ARFGEF1: variants seen among roughly 807,000 people sequenced by gnomAD.
ARFGEF1 encodes brefeldin A-inhibited guanine nucleotide-exchange protein 1.
Under a neutral mutation model 231.0 loss-of-function variants are expected in ARFGEF1, and 42 were observed. The ratio of observed to expected loss-of-function variants is 0.18; its 90% CI spans 0.14 to 0.24. The LOEUF (loss-of-function observed/expected upper bound fraction) is 0.24, where lower values mean the gene tolerates loss of function less well. ARFGEF1 is among the 10% of genes least tolerant of loss of function. The pLI, the probability that ARFGEF1 is intolerant of heterozygous loss-of-function variation, is 1.00. For synonymous variants in ARFGEF1, 710 were observed against 732.3 expected, an observed-to-expected ratio of 0.97 and a Z score of 0.49; for missense variants, 1,345 against 2,192.0, an observed-to-expected ratio of 0.61 and a Z score of 7.72.
At chr8:67,269,441 C>T (rs1349797153) in intron 10 of ARFGEF1, among the ~76,000 whole-genome samples, 2 of 151,336 alleles carry the variant, frequency 1.3e-5, no homozygotes, top group Non-Finnish European at 2.9e-5. Flanking sequence ...CAACCTCGGC[C>T]TCCCAGGTTC....
intron 27 of ARFGEF1, among the ~76,000 whole-genome samples, chr8:67,226,560 TAAGTG>T (rs888294425): frequency 1.3e-5 from 2 of 152,100 alleles, no homozygotes; most frequent in African/African-American, 2.4e-5. Flanking sequence ...TAAAATAATA[TAAGTG>T]AAGTGCTTAG....
In ARFGEF1 at chr8:67,246,800, AAAAC is replaced by A. The variant is rs966078649; in HGVS notation, c.2850+4495_2850+4498del. Among the ~76,000 whole-genome samples the A allele has an allele frequency of 5.3e-5, 8 of 150,374 alleles. 1 individual carries two copies. Among genetic ancestry groups the A allele is most frequent in the African/African-American group, 2.0e-4 (8 of 40,346 alleles). On this transcript the variant is annotated intron_variant, in intron 19 of 38. Transcript: ENST00000262215. ...AATTTTAAAAATACAAAACATCAAC[AAAAC>A]AAAAAGTTGGTTTTCTGAAATGATA...
intron 6 of ARFGEF1, 76 bp downstream of exon 6, chr8:67,291,771 C>T (rs1806020924): frequency 5.3e-6 from 8 of 1,514,304 alleles, no homozygotes; most frequent in Non-Finnish European, 6.2e-6. Context: ...ATCCTTTCAA[C>T]ATTTCTTCAT....
rs1191416617 is a variant in ARFGEF1 at position 67,211,628 on chromosome 8, A to T, written c.4687-13T>A. 1.1e-5 allele frequency: 16 copies of T among 1,398,264 alleles called. No homozygotes were observed. The highest frequency in any genetic ancestry group is 8.8e-5 in the African/African-American group (6 of 67,854). The allele number at this position is 1,398,264 out of a possible 1,614,324, so 86.6% of individuals were successfully genotyped here. A position where few individuals can be genotyped will look rare whatever the true frequency, so the allele number is the denominator to read the frequency against. On this transcript the variant is annotated splice_polypyrimidine_tract_variant and intron_variant, in intron 33 of 38. Coordinates refer to ENST00000262215, the MANE Select transcript of ARFGEF1 (RefSeq NM_006421.5). ...GTGATATTGTATCCTAATAAATAAA[A>T]AAAAAATCACTGTAAGTATGGTTAA...
intron 10 of ARFGEF1, among the ~76,000 whole-genome samples, chr8:67,268,480 A>C (rs1804938590): frequency 1.3e-5 from 2 of 152,194 alleles, no homozygotes; most frequent in African/African-American, 4.8e-5. Flanking sequence ...TCAGAGGGAG[A>C]TACATCTGTT....
intron 37 of ARFGEF1, 64 bp downstream of exon 37, chr8:67,201,403 C>A: frequency 2.6e-6 from 4 of 1,546,810 alleles, no homozygotes; most frequent in Non-Finnish European, 2.6e-6. Context: ...CCCGCCGGTG[C>A]CTCTTTCCTG....
intron 5 of ARFGEF1, 108 bp downstream of exon 5, chr8:67,296,323 A>G: frequency 9.9e-7 from 1 of 1,011,598 alleles, no homozygotes. Context: ...TAAATAAAAG[A>G]CATTCTTTTC....
At chr8:67,262,206 G>A (rs1051899884) in intron 14 of ARFGEF1, among the ~76,000 whole-genome samples, 2 of 152,134 alleles carry the variant, frequency 1.3e-5, no homozygotes, top group Admixed American at 1.3e-4. Context: ...ACATCAATAG[G>A]AGTTGGGAAG....
In ARFGEF1 at chr8:67,225,953, CCAAA is replaced by C. The variant is rs993989782; in HGVS notation, c.4077+66_4077+69del. The C allele has an allele frequency of 2.0e-5, 28 of 1,431,736 alleles. No individual in the cohort carries two copies. The African/African-American group carries it at 3.0e-4, about 15-fold the overall frequency. The allele number at this position is 1,431,736 out of a possible 1,614,324, so 88.7% of individuals were successfully genotyped here. A position where few individuals can be genotyped will look rare whatever the true frequency, so the allele number is the denominator to read the frequency against. ...TAAATGCTTCATATACCCTCAATTCCCAAACAAACTTAAGATTTCAAATTGGAAA... is the reference window on the plus strand; with the variant it reads ...TAAATGCTTCATATACCCTCAATTCCCAAACTTAAGATTTCAAATTGGAAA... On this transcript the variant is annotated intron_variant, in intron 28 of 38. Transcript: ENST00000262215.
In ARFGEF1 at chr8:67,288,016, C is replaced by T. The variant is rs1299695735; in HGVS notation, c.966G>A (p.Glu322=). The change falls in exon 7 of 39, where the codon GAG becomes GAA. Residue 322 remains glutamate, a synonymous_variant. Coordinates refer to ENST00000262215, the MANE Select transcript of ARFGEF1 (RefSeq NM_006421.5). ...VLYDGENHDC[E]EKPQDIVQNI... is the part of the protein sequence containing the mutation. ...TCTGTACAATGTCTTGTGGCTTTTC[C>T]TCACAATCATGGTTTTCTCCGTCAT... The T allele has an allele frequency of 1.9e-6, 3 of 1,608,188 alleles. No homozygotes were observed. The highest frequency in any genetic ancestry group is 2.5e-6 in the Non-Finnish European group (3 of 1,178,170).
rs536298734 is a variant in ARFGEF1, at chr8:67,202,887, C to T, written c.5128+196G>A. On this transcript the variant is annotated intron_variant, in intron 36 of 38. Transcript: ENST00000262215. ...ATAATAGACCAAGGGGGAAAAAATCCACCCAAGCAGTTATCTGGCTTACTG... is the reference window on the plus strand; with the variant it reads ...ATAATAGACCAAGGGGGAAAAAATCTACCCAAGCAGTTATCTGGCTTACTG... Among the ~76,000 whole-genome samples the T allele has an allele frequency of 1.1e-3, 175 of 152,196 alleles. 1 individual carries two copies. In the South Asian group the frequency reaches 0.02, roughly 17 times the overall value.
chr8:67,216,679 C>A lies in ARFGEF1; in HGVS notation c.4614-17G>T. On this transcript the variant is annotated splice_polypyrimidine_tract_variant and intron_variant, in intron 32 of 38. Coordinates refer to ENST00000262215, the MANE Select transcript of ARFGEF1 (RefSeq NM_006421.5). ...GTCAACAGCCTTTAAGATACCAAAA[C>A]CACGTCAATCACTAGGGGGCTGTGC... 1 of 1,591,892 alleles carries A rather than the reference C, an allele frequency of 6.3e-7. No individual in the cohort carries two copies. Among genetic ancestry groups the A allele is most frequent in the Non-Finnish European group, 8.5e-7 (1 of 1,173,172 alleles).
intron 29 of ARFGEF1, among the ~76,000 whole-genome samples, chr8:67,221,060 G>A (rs148806575): frequency 2.2e-4 from 34 of 152,184 alleles, no homozygotes; most frequent in African/African-American, 7.2e-4. Flanking sequence ...TTGTGACATT[G>A]TAGTTGAGGC....
chr8:67,269,977 A>G (rs996574993), intron 10 of ARFGEF1, among the ~76,000 whole-genome samples: 1 of 152,160 alleles, frequency 6.6e-6, no homozygotes, highest in African/African-American at 2.4e-5. Context: ...CAGAAGCAGA[A>G]TCTCAGTGTC....
intron 14 of ARFGEF1, among the ~76,000 whole-genome samples, chr8:67,265,141 A>G (rs1243733902): frequency 6.6e-6 from 1 of 152,206 alleles, no homozygotes; most frequent in Non-Finnish European, 1.5e-5. Context: ...TTAATGCAGT[A>G]GTGACAGCTA....
At chr8:67,317,211 T>C (rs1481368382) in intron 1 of ARFGEF1, among the ~76,000 whole-genome samples, 1 of 152,156 alleles carries the variant, frequency 6.6e-6, no homozygotes, top group Non-Finnish European at 1.5e-5. Flanking sequence ...GTGTCCTTTA[T>C]AACAAAACCA....
At chr8:67,286,781 GC>G (rs1310741957) in intron 7 of ARFGEF1, among the ~76,000 whole-genome samples, 3 of 151,936 alleles carry the variant, frequency 2.0e-5, no homozygotes, top group African/African-American at 7.2e-5. Context: ...TAATCTCATG[GC>G]TTCACTATTA....
chr8:67,289,093 G>A (rs2128908111), intron 6 of ARFGEF1, among the ~76,000 whole-genome samples: 1 of 152,242 alleles, frequency 6.6e-6, no homozygotes, highest in East Asian at 1.9e-4. Flanking sequence ...ATTCCACTGG[G>A]CTTTTTAAAA....
intron 23 of ARFGEF1, among the ~76,000 whole-genome samples, chr8:67,231,179 C>T (rs904711130): frequency 2.6e-5 from 4 of 151,790 alleles, no homozygotes; most frequent in Admixed American, 2.6e-4. Context: ...TTGAACATAA[C>T]GATATGAAAA....
Sources: allele counts gnomAD v4.1 joint callset (sites outside exome capture counted in the v4.1 genomes callset), GRCh38; gene constraint gnomAD v4.1.1; transcripts MANE v1.5; gene names NCBI Gene and HGNC (gene_info 2026-07-23, HGNC 2026-07-21).